Variants in CTNNA3 observed in about 807,000 individuals in gnomAD.
The protein encoded by CTNNA3 is catenin alpha 3, also known as catenin alpha-3.
A neutral mutation model predicts 95.7 loss-of-function variants in CTNNA3; 76 were observed. The ratio of observed to expected loss-of-function variants is 0.79; its 90% CI spans 0.66 to 0.96. The LOEUF is 0.96. Among genes scored for constraint, CTNNA3 ranks in the 40% least tolerant of loss-of-function variants. The probability of loss-of-function intolerance (pLI) is 0.00; values close to 1 mark genes in which losing one functional copy is unlikely to be tolerated. For missense variants in CTNNA3, 1,191 were observed against 1,089.8 expected (o/e 1.09, Z -1.31); for synonymous variants, 431 against 374.4 (o/e 1.15, Z -1.74).
chr10:66,996,649 C>CAA lies in CTNNA3; in HGVS notation c.1047+183666_1047+183667dup, dbSNP rs57025097. 7.2e-3 allele frequency among the ~76,000 whole-genome samples: 487 copies of CAA among 67,626 alleles called. 26 individuals are homozygous for CAA. Among genetic ancestry groups the CAA allele is most frequent in the Middle Eastern group, 0.031 (2 of 64 alleles). The allele number at this position is 67,626 out of a possible 152,430, so 44.4% of individuals were successfully genotyped here. A position where few individuals can be genotyped will look rare whatever the true frequency, so the allele number is the denominator to read the frequency against. ...GTGAGAGAGTGAGACTCCGTCTCTA[C>CAA]AAAAAAAAAAAAAAAAAAAAAAGCA... On this transcript the variant is annotated intron_variant, in intron 7 of 17. Coordinates refer to ENST00000433211, the MANE Select transcript of CTNNA3 (RefSeq NM_013266.4).
chr10:66,849,104 A>G (rs943526132), intron 7 of CTNNA3, among the ~76,000 whole-genome samples: 2 of 152,184 alleles, frequency 1.3e-5, no homozygotes, highest in African/African-American at 4.8e-5. Context: ...ACACATTTAC[A>G]TACCTTCAAG....
At chr10:66,164,393 T>C (rs932416316) in intron 13 of CTNNA3, among the ~76,000 whole-genome samples, 1 of 152,166 alleles carries the variant, frequency 6.6e-6, no homozygotes, top group Non-Finnish European at 1.5e-5. Flanking sequence ...TATTGCACTA[T>C]TGGGAATATA....
At chr10:66,685,295 G>A (rs368419877) in intron 9 of CTNNA3, among the ~76,000 whole-genome samples, 599 of 11,834 alleles carry the variant, frequency 0.051, 14 homozygotes, top group African/African-American at 0.21. Context: ...GTATATATAT[G>A]TGTGTATATA....
chr10:66,766,412 C>A lies in CTNNA3; in HGVS notation c.1133G>T (p.Arg378Leu). The part of the protein sequence containing the change: ...KKTRDLRRQL[R>L]KAIIDHVSDS... Reference sequence around the variant, plus strand: ...TGACACATGATCTATAATAGCCTTGCGGAGCTGAGAAGAAATGAAAAATTC... The same window carrying A: ...TGACACATGATCTATAATAGCCTTGAGGAGCTGAGAAGAAATGAAAAATTC... The change falls in exon 9 of 18, where the codon CGC becomes CTC. Residue 378 changes from arginine (R) to leucine (L), a missense_variant. Arg to Leu is a moderately radical substitution (Grantham distance 102). Transcript: ENST00000433211. 1.2e-6 allele frequency: 2 copies of A among 1,603,936 alleles called. No individual in the cohort carries two copies. The highest frequency in any genetic ancestry group is 1.7e-6 in the Non-Finnish European group (2 of 1,175,098).
intron 4 of CTNNA3, among the ~76,000 whole-genome samples, chr10:67,538,725 C>A (rs80255656): frequency 0.13 from 19,866 of 152,018 alleles, 1,595 homozygotes; most frequent in East Asian, 0.31. Context: ...ATATTAAAAT[C>A]ACAGACACTT....
intron 1 of CTNNA3, among the ~76,000 whole-genome samples, chr10:67,723,986 T>G (rs1398422472): frequency 1.3e-5 from 2 of 152,190 alleles, no homozygotes; most frequent in African/African-American, 4.8e-5. Flanking sequence ...CTCCTTCCAG[T>G]AGACCTTTAG....
At chr10:66,240,070 C>A (rs1165824226) in intron 13 of CTNNA3, among the ~76,000 whole-genome samples, 1 of 151,702 alleles carries the variant, frequency 6.6e-6, no homozygotes, top group Non-Finnish European at 1.5e-5. Flanking sequence ...AAATACATTG[C>A]CTACATTGTG....
chr10:66,253,680 G>A (rs563036717), intron 13 of CTNNA3, among the ~76,000 whole-genome samples: 34 of 152,162 alleles, frequency 2.2e-4, no homozygotes, highest in African/African-American at 7.5e-4. Flanking sequence ...TTCAAGATAT[G>A]TCTTTGTGGT....
chr10:67,460,499 G>A (rs1490586779), intron 5 of CTNNA3, among the ~76,000 whole-genome samples: 1 of 152,128 alleles, frequency 6.6e-6, no homozygotes, highest in African/African-American at 2.4e-5. Flanking sequence ...CAAAAAAAGA[G>A]ACATACTGCA....
chr10:66,432,065 T>C (rs1802394283), intron 11 of CTNNA3, among the ~76,000 whole-genome samples: 1 of 152,066 alleles, frequency 6.6e-6, no homozygotes. Context: ...AGTAACTTCA[T>C]TTTTTGGAAT....
At chr10:67,148,436 T>C (rs1457674868) in intron 7 of CTNNA3, among the ~76,000 whole-genome samples, 1 of 152,212 alleles carries the variant, frequency 6.6e-6, no homozygotes, top group African/African-American at 2.4e-5. Flanking sequence ...ATCATCTAGG[T>C]ACCTCACATA....
rs932354107 is a variant in CTNNA3, at chr10:65,917,470, T to A, written c.*2860A>T. 4.0e-5 allele frequency: 6 copies of A among 151,816 alleles called. No homozygotes were observed. In the South Asian group the frequency reaches 8.3e-4, roughly 21 times the overall value. The allele number at this position is 151,816 out of a possible 1,614,324, so 9.4% of individuals were successfully genotyped here. A position where few individuals can be genotyped will look rare whatever the true frequency, so the allele number is the denominator to read the frequency against. On this transcript the variant is annotated 3_prime_UTR_variant, in exon 18 of 18. Transcript: ENST00000433211. ...AGTGGATTATTATTTCGTTTTTTTT[T>A]AAATTTTCATTCTAATTCCAGTCTA...
At chr10:66,780,703 C>A (rs1020395289) in intron 7 of CTNNA3, among the ~76,000 whole-genome samples, 6 of 152,180 alleles carry the variant, frequency 3.9e-5, no homozygotes, top group African/African-American at 1.4e-4. Context: ...AAATATCTTA[C>A]ATATATTTTG....
chr10:66,020,168 T>C (rs1399041853), intron 15 of CTNNA3, among the ~76,000 whole-genome samples: 1 of 152,232 alleles, frequency 6.6e-6, no homozygotes, highest in African/African-American at 2.4e-5. Flanking sequence ...TCCATTATCA[T>C]TTTAAAGCTT....
At chr10:67,717,793 C>A (rs569344539) in intron 1 of CTNNA3, among the ~76,000 whole-genome samples, 2 of 152,116 alleles carry the variant, frequency 1.3e-5, no homozygotes, top group African/African-American at 4.8e-5. Context: ...ATTGTCTAGG[C>A]TATACGGGCT....
chr10:67,129,272 A>T (rs7096869), intron 7 of CTNNA3, among the ~76,000 whole-genome samples: 16,374 of 152,196 alleles, frequency 0.11, 970 homozygotes, highest in African/African-American at 0.16. Flanking sequence ...TGTGTTTGTC[A>T]TCCCAATTGC....
chr10:65,984,240 T>G (rs1005938685), intron 16 of CTNNA3, among the ~76,000 whole-genome samples: 1 of 151,246 alleles, frequency 6.6e-6, no homozygotes, highest in Non-Finnish European at 1.5e-5. Context: ...AAAATCACAT[T>G]GCTTACATTA....
At chr10:67,356,252 G>A (rs1842802644) in intron 5 of CTNNA3, among the ~76,000 whole-genome samples, 1 of 151,790 alleles carries the variant, frequency 6.6e-6, no homozygotes, top group African/African-American at 2.4e-5. Context: ...TCCCCTGTAG[G>A]GTCCACAAAT....
intron 7 of CTNNA3, among the ~76,000 whole-genome samples, chr10:67,065,027 T>C (rs1314008427): frequency 6.6e-6 from 1 of 152,174 alleles, no homozygotes; most frequent in Non-Finnish European, 1.5e-5. Context: ...CCAACACTTA[T>C]GGTCCTACAT....
Sources: allele counts gnomAD v4.1 joint callset (sites outside exome capture counted in the v4.1 genomes callset), GRCh38; gene constraint gnomAD v4.1.1; transcripts MANE v1.5; gene names NCBI Gene and HGNC (gene_info 2026-07-23, HGNC 2026-07-21).